The following GRIN2B variants were observed in gnomAD, a reference collection of about 807,000 sequenced individuals.
The protein encoded by GRIN2B is glutamate ionotropic receptor NMDA type subunit 2B.
In GRIN2B, 5 loss-of-function variants were observed where a neutral mutation model predicts 114.5. The ratio of observed to expected loss-of-function variants is 0.04; its 90% CI spans 0.02 to 0.09. The LOEUF (loss-of-function observed/expected upper bound fraction) is 0.09. GRIN2B is among the 10% of genes least tolerant of loss of function. The pLI, the probability that GRIN2B is intolerant of heterozygous loss-of-function variation, is 1.00. For synonymous variants in GRIN2B, 787 were observed against 745.1 expected (o/e 1.06, Z -0.92); for missense variants, 1,108 against 1,943.5 (o/e 0.57, Z 8.08).
intron 3 of GRIN2B, among the ~76,000 whole-genome samples, chr12:13,813,035 G>A (rs987535284): frequency 6.6e-6 from 1 of 150,428 alleles, no homozygotes; most frequent in Admixed American, 6.6e-5. Flanking sequence ...CGCCTCCCGG[G>A]TTCAAGCAAT....
intron 4 of GRIN2B, among the ~76,000 whole-genome samples, chr12:13,745,073 C>A (rs1863353681): frequency 6.6e-6 from 1 of 152,122 alleles, no homozygotes; most frequent in Non-Finnish European, 1.5e-5. Flanking sequence ...GAGAAAGACT[C>A]AAACCATTAT....
intron 5 of GRIN2B, among the ~76,000 whole-genome samples, chr12:13,630,688 AC>A (rs1555114071): frequency 6.6e-6 from 1 of 152,074 alleles, no homozygotes; most frequent in Non-Finnish European, 1.5e-5. Flanking sequence ...CAGATAAGTG[AC>A]CCCCTGGAGA....
At chr12:13,584,959 G>A (rs146247340) in intron 10 of GRIN2B, among the ~76,000 whole-genome samples, 3 of 152,188 alleles carry the variant, frequency 2.0e-5, no homozygotes, top group Non-Finnish European at 2.9e-5. Flanking sequence ...GGGTACAAGG[G>A]ATTGTTCCAG....
At chr12:13,968,417 C>T (rs1867824582) in intron 2 of GRIN2B, among the ~76,000 whole-genome samples, 1 of 152,164 alleles carries the variant, frequency 6.6e-6, no homozygotes. Flanking sequence ...CCCCTAAAGA[C>T]CTCATTTTAC....
At chr12:13,979,604 T>C (rs1863095405) in intron 2 of GRIN2B, among the ~76,000 whole-genome samples, 1 of 151,924 alleles carries the variant, frequency 6.6e-6, no homozygotes, top group Non-Finnish European at 1.5e-5. Context: ...AAATGCTATT[T>C]AACTGGAAAA....
rs951008840 is a variant in GRIN2B, at chr12:13,547,911, C to T, written c.*14872G>A. 1.4e-5 allele frequency: 2 copies of T among 145,444 alleles called. No homozygotes were observed. The highest frequency in any genetic ancestry group is 3.0e-5 in the Non-Finnish European group (2 of 66,810). 9.0% of individuals were successfully genotyped at this position (145,444 alleles called of 1,614,324 possible). A position where few individuals can be genotyped will look rare whatever the true frequency, so the allele number is the denominator to read the frequency against. ...CAGATATCTGGCTTCTGTCAATAGG[C>T]CTTACCCAAACAGGGTTATGTATAT... On this transcript the variant is annotated 3_prime_UTR_variant, in exon 14 of 14. Transcript: ENST00000609686.
intron 2 of GRIN2B, among the ~76,000 whole-genome samples, chr12:13,872,361 C>A (rs2136754982): frequency 6.6e-6 from 1 of 150,928 alleles, no homozygotes; most frequent in South Asian, 2.1e-4. Flanking sequence ...GAGGCTGAGG[C>A]AGGAGAATCC....
chr12:13,744,754 G>A (rs148361541), intron 4 of GRIN2B, among the ~76,000 whole-genome samples: 68 of 152,282 alleles, frequency 4.5e-4, no homozygotes, highest in African/African-American at 1.6e-3. Flanking sequence ...GTTCCTTCAT[G>A]TGTGACCAGC....
intron 2 of GRIN2B, among the ~76,000 whole-genome samples, chr12:13,871,564 A>T (rs1865907684): frequency 6.6e-6 from 1 of 151,952 alleles, no homozygotes; most frequent in Admixed American, 6.5e-5. Context: ...AGAAAATAAA[A>T]TATGATTAAT....
chr12:13,845,349 A>G (rs1366007814), intron 3 of GRIN2B, among the ~76,000 whole-genome samples: 4 of 152,120 alleles, frequency 2.6e-5, no homozygotes, highest in Non-Finnish European at 5.9e-5. Context: ...CTTTCAATCA[A>G]TTATCTCAAA....
chr12:13,804,819 G>A (rs778562885), intron 3 of GRIN2B, among the ~76,000 whole-genome samples: 35 of 152,128 alleles, frequency 2.3e-4, no homozygotes, highest in Admixed American at 1.0e-3. Flanking sequence ...CACTTACTAA[G>A]TATTTTTTGA....
intron 3 of GRIN2B, among the ~76,000 whole-genome samples, chr12:13,794,623 G>A (rs1421077205): frequency 6.6e-6 from 1 of 152,218 alleles, no homozygotes; most frequent in Non-Finnish European, 1.5e-5. Context: ...TTGTCTGATA[G>A]AGCCATCATT....
intron 10 of GRIN2B, among the ~76,000 whole-genome samples, chr12:13,600,146 G>C (rs1949135942): frequency 6.6e-6 from 1 of 152,144 alleles, no homozygotes; most frequent in Non-Finnish European, 1.5e-5. Context: ...ACCTTTCTAA[G>C]AAGGGTAATA....
At chr12:13,726,481 G>C (rs1862987954) in intron 4 of GRIN2B, among the ~76,000 whole-genome samples, 3 of 151,002 alleles carry the variant, frequency 2.0e-5, no homozygotes, top group African/African-American at 7.3e-5. Flanking sequence ...GTTACAGTGA[G>C]CCAAGATCAT....
chr12:13,572,188 G>A (rs1948717064), intron 10 of GRIN2B, among the ~76,000 whole-genome samples: 1 of 152,180 alleles, frequency 6.6e-6, no homozygotes, highest in Non-Finnish European at 1.5e-5. Flanking sequence ...ACATATTGCT[G>A]AGAGATTTCT....
At chr12:13,956,653 G>A (rs984171413) in intron 2 of GRIN2B, among the ~76,000 whole-genome samples, 32 of 152,326 alleles carry the variant, frequency 2.1e-4, no homozygotes, top group African/African-American at 7.2e-4. Flanking sequence ...ATCATCACGA[G>A]CATACCTGGA....
At chr12:13,567,298 AGAG>A (rs771833781) in intron 12 of GRIN2B, 35 bp from the exon 13 acceptor site, 1 of 1,463,610 alleles carries the variant, frequency 6.8e-7, no homozygotes, top group Admixed American at 1.7e-5. Flanking sequence ...ATGGATAAAA[AGAG>A]GAGACAGGAA....
chr12:13,839,899 TA>T (rs200298982), intron 3 of GRIN2B, among the ~76,000 whole-genome samples: 331 of 152,288 alleles, frequency 2.2e-3, no homozygotes, highest in African/African-American at 7.5e-3. Flanking sequence ...TCAATGGACA[TA>T]AAAAAATCTC....
chr12:13,952,951 A>G (rs536858074), intron 2 of GRIN2B, among the ~76,000 whole-genome samples: 1 of 151,260 alleles, frequency 6.6e-6, no homozygotes, highest in South Asian at 2.1e-4. Flanking sequence ...TACGCTCACA[A>G]ATTCTGAGGG....
Sources: gnomAD v4.1 joint callset for allele counts (sites outside exome capture counted in the v4.1 genomes callset) on GRCh38, gnomAD v4.1.1 for gene constraint, MANE v1.5 for transcripts, NCBI Gene and HGNC (gene_info 2026-07-23, HGNC 2026-07-21) for gene names.